The following RTL9 variants were observed in gnomAD, a reference collection of about 807,000 sequenced individuals.
The protein encoded by RTL9 is retrotransposon Gag-like protein 9.
A neutral mutation model predicts 44.7 loss-of-function variants in RTL9; 19 were observed. That is an observed-to-expected ratio of 0.42 (90% CI 0.30 to 0.62). RTL9 has a LOEUF of 0.62. Among genes scored for constraint, RTL9 ranks in the 20% least tolerant of loss-of-function variants. The probability of loss-of-function intolerance (pLI) is 0.16; values close to 1 mark genes in which losing one functional copy is unlikely to be tolerated. For missense variants in RTL9, 1,105 were observed against 1,080.6 expected, an observed-to-expected ratio of 1.02 and a Z score of -0.32; for synonymous variants, 407 against 398.9, an observed-to-expected ratio of 1.02 and a Z score of -0.24.
At chrX:110,360,053 T>A (rs947124420) in intron 1 of RTL9, among the ~76,000 whole-genome samples, 1 of 111,859 alleles carries the variant, frequency 8.9e-6, no homozygotes, top group East Asian at 2.8e-4. Flanking sequence ...AGGAAGCAGT[T>A]TGACATCTAG....
intron 1 of RTL9, among the ~76,000 whole-genome samples, chrX:110,395,189 C>T (rs998971840): frequency 8.9e-6 from 1 of 112,141 alleles, no homozygotes; most frequent in Non-Finnish European, 1.9e-5. Context: ...CTCTAAATTC[C>T]GAGGGTGCCC....
chrX:110,409,275 C>G (rs948752404), intron 1 of RTL9, among the ~76,000 whole-genome samples: 1 of 110,938 alleles, frequency 9.0e-6, no homozygotes, highest in Admixed American at 9.5e-5. Flanking sequence ...CAGAGTTTGC[C>G]TCAAAGCTAG....
intron 1 of RTL9, among the ~76,000 whole-genome samples, chrX:110,362,539 C>A (rs1331780764): frequency 8.9e-6 from 1 of 112,427 alleles, no homozygotes; most frequent in Non-Finnish European, 1.9e-5. Flanking sequence ...CTCCCAGAAG[C>A]TGGGCGACTG....
intron 1 of RTL9, among the ~76,000 whole-genome samples, chrX:110,368,853 C>A (rs770845785): frequency 9.0e-6 from 1 of 111,337 alleles, no homozygotes; most frequent in South Asian, 3.8e-4. Flanking sequence ...AATAGGAATT[C>A]CAAGATTCCT....
upstream of RTL9, among the ~76,000 whole-genome samples, chrX:110,445,932 A>G (rs2068906063): frequency 9.0e-6 from 1 of 111,604 alleles, no homozygotes; most frequent in Non-Finnish European, 1.9e-5. Context: ...ATAGAACGGA[A>G]GTCTATGCCT....
intron 1 of RTL9, among the ~76,000 whole-genome samples, chrX:110,376,591 G>T (rs759434453): frequency 2.7e-5 from 3 of 112,267 alleles, no homozygotes; most frequent in Non-Finnish European, 5.6e-5. Flanking sequence ...AACATGCTCT[G>T]CCCTATGAGG....
Position 110,396,008 on chromosome X carries a change from G to A in RTL9, c.-168+37092G>A, listed in dbSNP as rs953850590. ...AGTACTTTACAAAGAACATAGAGAG[G>A]TGAAGTGGGTACTTTTCAATTTTTG... On this transcript the variant is annotated intron_variant, in intron 1 of 2. Transcript: ENST00000520821. 2.7e-5 allele frequency among the ~76,000 whole-genome samples: 3 copies of A among 111,415 alleles called. No individual in the cohort carries two copies. The Admixed American group carries it at 2.9e-4, about 11-fold the overall frequency.
chrX:110,442,081 A>G (rs1448253369), intron 1 of RTL9, among the ~76,000 whole-genome samples: 1 of 111,368 alleles, frequency 9.0e-6, no homozygotes, highest in East Asian at 2.8e-4. Flanking sequence ...AAATGCCTAC[A>G]GGGACTGAGC....
At chrX:110,401,785 A>T (rs1300327222) in intron 1 of RTL9, among the ~76,000 whole-genome samples, 1 of 112,107 alleles carries the variant, frequency 8.9e-6, no homozygotes, top group Non-Finnish European at 1.9e-5. Context: ...CTCCCCTGTA[A>T]AATGGATCTA....
chrX:110,434,856 G>T (rs775905547), intron 1 of RTL9, among the ~76,000 whole-genome samples: 38 of 110,254 alleles, frequency 3.4e-4, no homozygotes, highest in African/African-American at 1.2e-3. Flanking sequence ...CAGGGCAAGG[G>T]CTAGGGACAG....
upstream of RTL9, among the ~76,000 whole-genome samples, chrX:110,448,457 C>T (rs1224210074): frequency 9.1e-6 from 1 of 109,557 alleles, no homozygotes; most frequent in African/African-American, 3.3e-5. Context: ...TCAATCTCCT[C>T]TTTTCTTTGG....
chrX:110,454,607 G>A (rs1345881268), exon 1 of RTL9: 1 of 1,208,594 alleles, frequency 8.3e-7, no homozygotes, highest in Non-Finnish European at 1.1e-6. Context: ...CAGCCTGTAA[G>A]CGGAATAATG....
chrX:110,444,107 C>T (rs1426994171), intron 1 of RTL9, among the ~76,000 whole-genome samples: 11 of 112,230 alleles, frequency 9.8e-5, no homozygotes, highest in East Asian at 2.8e-4. Flanking sequence ...AGTCTCAAGC[C>T]GGAAACTGAT....
exon 1 of RTL9, chrX:110,453,768 G>C: frequency 8.3e-7 from 1 of 1,211,339 alleles, no homozygotes; most frequent in Non-Finnish European, 1.1e-6. Context: ...CACAGCCTCT[G>C]GATGTGGCAT....
chrX:110,446,667 AT>A (rs966468622), upstream of RTL9, among the ~76,000 whole-genome samples: 1 of 111,230 alleles, frequency 9.0e-6, no homozygotes, highest in African/African-American at 3.3e-5. Context: ...ATCCTTCCAG[AT>A]TTTTTTTCTA....
exon 1 of RTL9, chrX:110,451,387 C>T: frequency 8.3e-7 from 1 of 1,211,790 alleles, no homozygotes; most frequent in Non-Finnish European, 1.1e-6. Flanking sequence ...GAGATATCTT[C>T]GCTGCTAATG....
chrX:110,453,661 C>G (rs1487714556), exon 1 of RTL9: 2 of 1,211,934 alleles, frequency 1.7e-6, no homozygotes, highest in Non-Finnish European at 1.1e-6. Context: ...GGAAGGATGG[C>G]CACAGCGCCA....
chrX:110,385,501 G>C (rs186786560), intron 1 of RTL9, among the ~76,000 whole-genome samples: 1 of 111,198 alleles, frequency 9.0e-6, no homozygotes, highest in Non-Finnish European at 1.9e-5. Context: ...ACTGGTAGCC[G>C]TTTCCATCCC....
exon 1 of RTL9, chrX:110,450,875 A>G: frequency 8.3e-7 from 1 of 1,211,522 alleles, no homozygotes; most frequent in Non-Finnish European, 1.1e-6. Context: ...ACTCTGGAGC[A>G]TTGTCCCCAC....
Sources: gnomAD v4.1 joint callset for allele counts (sites outside exome capture counted in the v4.1 genomes callset) on GRCh38, gnomAD v4.1.1 for gene constraint, MANE v1.5 for transcripts, NCBI Gene and HGNC (gene_info 2026-07-23, HGNC 2026-07-21) for gene names.